Variants in HPD observed in about 807,000 individuals in gnomAD.
HPD encodes the protein 4-hydroxyphenylpyruvic acid oxidase.
A neutral mutation model predicts 56.9 loss-of-function variants in HPD; 35 were observed. The observed-to-expected ratio is 0.62, with a 90% CI of 0.47 to 0.82. The LOEUF is 0.82. HPD is among the 40% of genes least tolerant of loss of function. HPD has a pLI of 0.00. For synonymous variants in HPD, 186 were observed against 200.2 expected (o/e 0.93, Z 0.60); for missense variants, 442 against 506.8 (o/e 0.87, Z 1.23).
chr12:121,879,109 G>A, the HPD span, among the ~76,000 whole-genome samples: 1 of 151,920 alleles, frequency 6.6e-6, no homozygotes, highest in African/African-American at 2.4e-5. Flanking sequence ...CCTTGGCGAA[G>A]CTCTGTCGCT....
At chr12:121,885,868 G>C in the HPD span, among the ~76,000 whole-genome samples, 2 of 151,694 alleles carry the variant, frequency 1.3e-5, no homozygotes, top group African/African-American at 4.8e-5. Flanking sequence ...GGGAGGCAGG[G>C]GAATTGCTTG....
the HPD span, among the ~76,000 whole-genome samples, chr12:121,886,399 C>T: frequency 2.7e-5 from 4 of 148,218 alleles, no homozygotes; most frequent in Admixed American, 6.8e-5. Flanking sequence ...TGAGCCACCG[C>T]GCCTGGCCTA....
upstream of HPD, chr12:121,859,282 A>C (rs66611928): frequency 0.26 from 67,100 of 258,256 alleles, 11,005 homozygotes; most frequent in Non-Finnish European, 0.36. Flanking sequence ...GAGGCACGGC[A>C]GGAGAAGGTT....
intron 7 of HPD, among the ~76,000 whole-genome samples, chr12:121,851,777 T>A (rs372611429): frequency 0.64 from 11,006 of 17,184 alleles, 4,451 homozygotes; most frequent in Non-Finnish European, 0.71. Context: ...TGGCGCGATC[T>A]CGGCTCACTG....
chr12:121,870,595 GTTT>G, the HPD span, among the ~76,000 whole-genome samples: 1 of 123,278 alleles, frequency 8.1e-6, no homozygotes. Flanking sequence ...GCTATTGAAG[GTTT>G]TTTTTTTTTT....
chr12:121,886,298 T>TG, the HPD span, among the ~76,000 whole-genome samples: 1 of 151,106 alleles, frequency 6.6e-6, no homozygotes. Flanking sequence ...TTAGTAGAGA[T>TG]GGAGTTTCAC....
chr12:121,847,331 G>A, intron 9 of HPD, 117 bp from the exon 10 acceptor site: 1 of 849,970 alleles, frequency 1.2e-6, no homozygotes, highest in South Asian at 1.4e-5. Flanking sequence ...AGATGCCACT[G>A]CCATCATACC....
chr12:121,858,908 C>A, upstream of HPD: 5 of 1,543,336 alleles, frequency 3.2e-6, no homozygotes, highest in Non-Finnish European at 4.5e-6. Flanking sequence ...AGGTCCCGCC[C>A]AGGCCTCCTG....
At chr12:121,846,826 TGA>T (rs749365084) in intron 11 of HPD, 34 bp downstream of exon 11, 4 of 1,598,502 alleles carry the variant, frequency 2.5e-6, no homozygotes, top group Admixed American at 1.7e-5. Flanking sequence ...TGGCTCTGAA[TGA>T]GAGAGGAATT....
intron 11 of HPD, 103 bp downstream of exon 11, chr12:121,846,759 G>C (rs1205157168): frequency 2.8e-6 from 3 of 1,079,008 alleles, no homozygotes; most frequent in South Asian, 2.7e-5. Context: ...TCCCAGCCCA[G>C]AGAAACGGGC....
intron 6 of HPD, 84 bp downstream of exon 6, chr12:121,856,240 G>C: frequency 1.0e-6 from 1 of 1,000,146 alleles, no homozygotes; most frequent in Non-Finnish European, 1.6e-6. Context: ...CTGTGATGCA[G>C]CAGTGTCCTT....
At chr12:121,855,050 GCTAACTC>G (rs1217509924) in intron 6 of HPD, among the ~76,000 whole-genome samples, 109 of 152,266 alleles carry the variant, frequency 7.2e-4, no homozygotes, top group African/African-American at 2.3e-3. Flanking sequence ...TCCTGCCTCT[GCTAACTC>G]CCCCTGTGAT....
chr12:121,868,966 G>A, the HPD span, among the ~76,000 whole-genome samples: 4 of 152,120 alleles, frequency 2.6e-5, no homozygotes, highest in African/African-American at 9.7e-5. Context: ...ATATTTCACT[G>A]TAACCTCAAC....
At chr12:121,858,795 C>T in intron 1 of HPD, 26 bp downstream of exon 1, 1 of 1,614,114 alleles carries the variant, frequency 6.2e-7, no homozygotes. Flanking sequence ...ATGTCCCACC[C>T]AAGGGGAGAT....
chr12:121,841,311 A>C (rs991648918), intron 12 of HPD, among the ~76,000 whole-genome samples: 1 of 152,236 alleles, frequency 6.6e-6, no homozygotes, highest in Admixed American at 6.5e-5. Flanking sequence ...TGGAGGTTGC[A>C]ATGGGCCAAG....
At chr12:121,864,073 C>CAA (rs748278452), upstream of HPD, among the ~76,000 whole-genome samples, 389 of 71,264 alleles carry the variant, frequency 5.5e-3, 1 homozygote, top group Middle Eastern at 0.01. Flanking sequence ...ACTAAAAATA[C>CAA]AAAAAAAAAA....
At chr12:121,857,026 T>C (rs955686650) in intron 4 of HPD, 4 of 497,860 alleles carry the variant, frequency 8.0e-6, no homozygotes. Context: ...AGCGGAGGGG[T>C]CGGTGGGAGC....
chr12:121,858,404 C>T (rs989646528), intron 2 of HPD, among the ~76,000 whole-genome samples: 1 of 152,068 alleles, frequency 6.6e-6, no homozygotes. Context: ...AGGCTGGTCT[C>T]GAACTCCTGA....
rs1877491762 is a variant in HPD at position 121,843,961 on chromosome 12, G to A, written c.832-129C>T. On this transcript the variant is annotated intron_variant, in intron 11 of 13. Coordinates refer to ENST00000289004, the MANE Select transcript of HPD (RefSeq NM_002150.3). The stretch of plus-strand genomic sequence containing the variant: ...CCCCTCAACTGCCAGGATGCTGTGT[G>A]GCCTCTTCCCCTTTCTTCTCTGTCA... 3.1e-5 allele frequency: 32 copies of A among 1,019,976 alleles called. No individual in the cohort carries two copies. The South Asian group carries it at 4.0e-4, about 13-fold the overall frequency. The allele number at this position is 1,019,976 out of a possible 1,614,324, so 63.2% of individuals were successfully genotyped here.
Sources: gnomAD v4.1 joint callset for allele counts (sites outside exome capture counted in the v4.1 genomes callset) on GRCh38, gnomAD v4.1.1 for gene constraint, MANE v1.5 for transcripts, NCBI Gene and HGNC (gene_info 2026-07-23, HGNC 2026-07-21) for gene names.